Variants in NEK1 observed in about 807,000 individuals in gnomAD.
The protein encoded by NEK1 is serine/threonine-protein kinase Nek1.
A neutral mutation model predicts 182.1 loss-of-function variants in NEK1; 137 were observed. The ratio of observed to expected loss-of-function variants is 0.75; its 90% CI spans 0.65 to 0.87. The LOEUF is 0.87. Among genes scored for constraint, NEK1 ranks in the 40% least tolerant of loss-of-function variants. The pLI is 0.00. For synonymous variants in NEK1, 513 were observed against 492.2 expected, an observed-to-expected ratio of 1.04 and a Z score of -0.56; for missense variants, 1,391 against 1,494.4, an observed-to-expected ratio of 0.93 and a Z score of 1.14.
At chr4:169,458,204 G>A (rs1743279285) in intron 27 of NEK1, among the ~76,000 whole-genome samples, 1 of 151,960 alleles carries the variant, frequency 6.6e-6, no homozygotes, top group East Asian at 1.9e-4. Flanking sequence ...AAAAGAACAG[G>A]AAAAAAGTTG....
At chr4:169,551,710 T>C (rs1398420766) in intron 18 of NEK1, among the ~76,000 whole-genome samples, 5 of 152,160 alleles carry the variant, frequency 3.3e-5, no homozygotes, top group Admixed American at 1.3e-4. Flanking sequence ...TTTGGAATTA[T>C]TTTCTTTCCT....
Position 169,590,592 on chromosome 4 carries a change from GA to G in NEK1, c.396+133del, listed in dbSNP as rs1768296535. On this transcript the variant is annotated intron_variant, in intron 6 of 35. Coordinates refer to ENST00000507142, the MANE Select transcript of NEK1 (RefSeq NM_001199397.3). The stretch of plus-strand genomic sequence containing the variant: ...AGGAGATCTAATACAGGATGCAGAT[GA>G]ATAGGATAAAAAGGAAGAGACAAGA... The G allele has an allele frequency of 8.3e-5, 48 of 576,568 alleles. No homozygotes were observed. The South Asian group carries it at 1.2e-3, about 14-fold the overall frequency. The allele number at this position is 576,568 out of a possible 1,614,324, so 35.7% of individuals were successfully genotyped here.
intron 23 of NEK1, among the ~76,000 whole-genome samples, chr4:169,483,184 G>C (rs1158622011): frequency 6.6e-6 from 1 of 152,138 alleles, no homozygotes; most frequent in Non-Finnish European, 1.5e-5. Context: ...GAGTGAGACA[G>C]GGGAACTACC....
At chr4:169,561,159 A>G (rs930912067) in intron 16 of NEK1, among the ~76,000 whole-genome samples, 2 of 152,222 alleles carry the variant, frequency 1.3e-5, no homozygotes, top group African/African-American at 2.4e-5. Context: ...TCAAGGCTAC[A>G]TGAAATTACA....
chr4:169,555,649 G>C (rs1433223072), intron 18 of NEK1, 71 bp downstream of exon 18: 50 of 1,563,884 alleles, frequency 3.2e-5, no homozygotes, highest in Non-Finnish European at 4.3e-5. Flanking sequence ...ACAAAGTGTA[G>C]GTACTAAGCT....
chr4:169,440,045 G>C (rs1247922389), intron 27 of NEK1, among the ~76,000 whole-genome samples: 1 of 151,166 alleles, frequency 6.6e-6, no homozygotes, highest in Admixed American at 6.6e-5. Flanking sequence ...ACAGCATTTC[G>C]CCATGTTGGC....
intron 19 of NEK1, among the ~76,000 whole-genome samples, chr4:169,532,378 T>C (rs1757809258): frequency 6.6e-6 from 1 of 152,188 alleles, no homozygotes. Context: ...TTACAGTGTA[T>C]GACATTACAA....
At position 169,445,518 on chromosome 4, in the gene NEK1, G is replaced by A. The variant is rs72691064; in HGVS notation, c.2588-7259C>T. The stretch of plus-strand genomic sequence containing the variant: ...AAGGTCAAATCCAAAATTAGTAAAA[G>A]CAGCAACATGGATGGAGCTGGAGGC... On this transcript the variant is annotated intron_variant, in intron 27 of 35. Transcript: ENST00000507142. Among the ~76,000 whole-genome samples the A allele has an allele frequency of 4.0e-3, 606 of 152,176 alleles. 5 individuals are homozygous for A. Among genetic ancestry groups the A allele is most frequent in the South Asian group, 0.03 (146 of 4,814 alleles).
At chr4:169,590,602 AAAAGG>A (rs1448482233) in intron 6 of NEK1, 119 bp downstream of exon 6, 3 of 598,744 alleles carry the variant, frequency 5.0e-6, no homozygotes, top group Non-Finnish European at 8.8e-6. Context: ...GAATAGGATA[AAAAGG>A]AAGAGACAAG....
Position 169,585,139 on chromosome 4 carries a change from T to C in NEK1, c.807+210A>G, listed in dbSNP as rs1034497696. On this transcript the variant is annotated intron_variant, in intron 10 of 35. Coordinates refer to ENST00000507142, the MANE Select transcript of NEK1 (RefSeq NM_001199397.3). Reference sequence around the variant, plus strand: ...AGGAGTTTGAGGCTGCAGTGAGCTATGATTTTGCCATTGTACTCCAGCCTG... The same window carrying C: ...AGGAGTTTGAGGCTGCAGTGAGCTACGATTTTGCCATTGTACTCCAGCCTG... Among the ~76,000 whole-genome samples the C allele has an allele frequency of 6.6e-5, 10 of 152,208 alleles. No individual in the cohort carries two copies. In the South Asian group the frequency reaches 1.5e-3, roughly 22 times the overall value.
At chr4:169,555,409 A>AT (rs1762021445) in intron 18 of NEK1, 3 of 313,258 alleles carry the variant, frequency 9.6e-6, no homozygotes, top group Non-Finnish European at 1.8e-5. Flanking sequence ...TTATATCCTG[A>AT]TTTATTTAAA....
At chr4:169,546,193 T>G (rs957612132) in intron 18 of NEK1, among the ~76,000 whole-genome samples, 75 of 152,228 alleles carry the variant, frequency 4.9e-4, no homozygotes, top group Admixed American at 4.8e-3. Flanking sequence ...GTCTTTGTTC[T>G]CATTGGTTTC....
At chr4:169,578,615 T>C (rs1766095738) in intron 11 of NEK1, among the ~76,000 whole-genome samples, 1 of 152,218 alleles carries the variant, frequency 6.6e-6, no homozygotes, top group Non-Finnish European at 1.5e-5. Context: ...CAATTTGTAG[T>C]TATGCATATA....
intron 33 of NEK1, 69 bp from the exon 34 acceptor site, chr4:169,400,720 A>C: frequency 8.9e-7 from 1 of 1,120,186 alleles, no homozygotes; most frequent in Non-Finnish European, 1.2e-6. Context: ...AATAGACTAA[A>C]ATTCTATGAC....
At chr4:169,574,372 G>T (rs1173321304) in intron 12 of NEK1, among the ~76,000 whole-genome samples, 1 of 152,104 alleles carries the variant, frequency 6.6e-6, no homozygotes, top group Non-Finnish European at 1.5e-5. Context: ...AAGGCGGGCG[G>T]ATCATGGGGT....
chr4:169,505,860 C>A (rs1186311528), intron 23 of NEK1, among the ~76,000 whole-genome samples: 2 of 151,420 alleles, frequency 1.3e-5, no homozygotes, highest in Admixed American at 6.6e-5. Flanking sequence ...GGAAAAAAAA[C>A]CTTTAAAGAT....
At chr4:169,400,135 T>G (rs752538909) in intron 35 of NEK1, 90 bp downstream of exon 35, 40 of 1,246,514 alleles carry the variant, frequency 3.2e-5, no homozygotes, top group Non-Finnish European at 4.6e-5. Context: ...TTTCACAAAA[T>G]GGATGTGATG....
chr4:169,472,467 A>C (rs1215425870), intron 26 of NEK1, among the ~76,000 whole-genome samples: 1 of 152,100 alleles, frequency 6.6e-6, no homozygotes, highest in Non-Finnish European at 1.5e-5. Flanking sequence ...GGCTGCACCC[A>C]CTGTCTAACC....
intron 31 of NEK1, among the ~76,000 whole-genome samples, chr4:169,412,683 G>T (rs1171144254): frequency 6.6e-6 from 1 of 152,120 alleles, no homozygotes; most frequent in African/African-American, 2.4e-5. Flanking sequence ...AGATGCTGAG[G>T]ATATAATGGT....
Sources: gnomAD v4.1 joint callset for allele counts (sites outside exome capture counted in the v4.1 genomes callset) on GRCh38, gnomAD v4.1.1 for gene constraint, MANE v1.5 for transcripts, NCBI Gene and HGNC (gene_info 2026-07-23, HGNC 2026-07-21) for gene names.